ADAMTSL1: variants seen among roughly 807,000 people sequenced by gnomAD.
ADAMTSL1 encodes the protein ADAMTS like 1.
ADAMTSL1 carries 126 observed loss-of-function variants against 201.8 expected under a neutral mutation model. That is an observed-to-expected ratio of 0.62 (90% CI 0.54 to 0.72). The LOEUF (loss-of-function observed/expected upper bound fraction) is 0.72. Ranked by LOEUF, ADAMTSL1 falls within the 30% of genes least tolerant of loss-of-function variation. The pLI, the probability that ADAMTSL1 is intolerant of heterozygous loss-of-function variation, is 0.00. For synonymous variants in ADAMTSL1, 1,121 were observed against 903.4 expected, an observed-to-expected ratio of 1.24 and a Z score of -4.32; for missense variants, 2,679 against 2,277.8, an observed-to-expected ratio of 1.18 and a Z score of -3.59.
At chr9:18,290,876 G>C (rs962769797) in intron 2 of ADAMTSL1, among the ~76,000 whole-genome samples, 1 of 151,190 alleles carries the variant, frequency 6.6e-6, no homozygotes, top group Non-Finnish European at 1.5e-5. Context: ...CTGCCTCCCA[G>C]GTTCACGCCA....
intron 25 of ADAMTSL1, among the ~76,000 whole-genome samples, chr9:18,891,515 C>A (rs934481): frequency 1 from 152,349 of 152,352 alleles, 76,173 homozygotes; most frequent in Middle Eastern, 1. Flanking sequence ...CGAGGATTTC[C>A]GAGTGTTCCT....
chr9:18,261,011 T>C (rs1485040350), intron 2 of ADAMTSL1, among the ~76,000 whole-genome samples: 18 of 129,090 alleles, frequency 1.4e-4, no homozygotes, highest in South Asian at 8.8e-4. Context: ...TTTTCCTTTT[T>C]CTTTTTTTTT....
At chr9:18,324,633 G>A (rs149100705) in intron 2 of ADAMTSL1, among the ~76,000 whole-genome samples, 1,722 of 151,898 alleles carry the variant, frequency 0.011, 33 homozygotes, top group African/African-American at 0.04. Flanking sequence ...GCATGGTGGT[G>A]TATGACTGTA....
chr9:18,384,458 T>C (rs1474633072), intron 2 of ADAMTSL1, among the ~76,000 whole-genome samples: 1 of 152,152 alleles, frequency 6.6e-6, no homozygotes, highest in Non-Finnish European at 1.5e-5. Flanking sequence ...TACCTGATCA[T>C]GTTGATGATA....
chr9:18,546,172 A>C (rs547963687), intron 3 of ADAMTSL1, among the ~76,000 whole-genome samples: 94 of 152,098 alleles, frequency 6.2e-4, no homozygotes, highest in African/African-American at 2.1e-3. Context: ...GTTTGGCTAT[A>C]TTTTTCTTTA....
Position 18,777,501 on chromosome 9 carries a change from A to G in ADAMTSL1, c.3272A>G (p.Glu1091Gly). 1 of 1,596,246 alleles carries G rather than the reference A, an allele frequency of 6.3e-7. No individual in the cohort carries two copies. The highest frequency in any genetic ancestry group is 1.7e-5 in the Admixed American group (1 of 57,438). The change falls in exon 19 of 29, where the codon GAG (glutamate) becomes GGG (glycine). Residue 1091 changes from glutamate (E) to glycine (G), a missense_variant. Glu to Gly is a moderately conservative substitution (Grantham distance 98). Coordinates refer to ENST00000380548, the MANE Select transcript of ADAMTSL1 (RefSeq NM_001040272.6). ...ILGNLSQQPE[E>G]LRDLYSKHLV... ...GGGAACCTCTCCCAGCAGCCCGAGG[A>G]GCTGCGCGACCTCTACAGCAAGCAC... is the stretch of plus-strand genomic sequence containing the variant.
At chr9:18,602,213 A>G (rs985763879) in intron 4 of ADAMTSL1, among the ~76,000 whole-genome samples, 4 of 152,128 alleles carry the variant, frequency 2.6e-5, no homozygotes, top group Non-Finnish European at 5.9e-5. Flanking sequence ...TGGTGGATGT[A>G]TTTGTTAGGC....
chr9:17,910,099 C>G (rs1208773657), intron 1 of ADAMTSL1, among the ~76,000 whole-genome samples: 2 of 68,116 alleles, frequency 2.9e-5, no homozygotes, highest in African/African-American at 5.9e-5. Flanking sequence ...GGCGCTGTCC[C>G]TAAGCGCGGT....
At chr9:18,274,190 A>G (rs1421237161) in intron 2 of ADAMTSL1, among the ~76,000 whole-genome samples, 2 of 152,252 alleles carry the variant, frequency 1.3e-5, no homozygotes, top group East Asian at 3.8e-4. Context: ...TGTCATGGGA[A>G]GAAAGCTCGA....
At chr9:18,224,660 C>A (rs1201240115) in intron 2 of ADAMTSL1, among the ~76,000 whole-genome samples, 1 of 152,144 alleles carries the variant, frequency 6.6e-6, no homozygotes, top group East Asian at 1.9e-4. Flanking sequence ...TCCTATGGAT[C>A]CCCTAAAGTG....
intron 2 of ADAMTSL1, among the ~76,000 whole-genome samples, chr9:18,372,336 C>A (rs192829841): frequency 2.0e-5 from 3 of 152,194 alleles, no homozygotes; most frequent in Non-Finnish European, 4.4e-5. Context: ...GAAAGGTAAT[C>A]GCATGCCGTG....
chr9:18,652,743 A>C (rs13298947), intron 7 of ADAMTSL1, among the ~76,000 whole-genome samples: 2 of 152,156 alleles, frequency 1.3e-5, no homozygotes, highest in South Asian at 4.1e-4. Flanking sequence ...AATATTTTCA[A>C]CTTAAGATGG....
chr9:17,953,930 C>T (rs1043340513), intron 1 of ADAMTSL1, among the ~76,000 whole-genome samples: 2 of 152,126 alleles, frequency 1.3e-5, no homozygotes, highest in Admixed American at 6.6e-5. Context: ...AATGGCTGGT[C>T]CCCTTGAAGG....
chr9:18,585,041 A>G (rs975263612), intron 4 of ADAMTSL1, among the ~76,000 whole-genome samples: 2 of 152,222 alleles, frequency 1.3e-5, no homozygotes. Flanking sequence ...CTCAAAATTC[A>G]TCCAAGCTCT....
chr9:18,056,513 C>G (rs553546307), intron 1 of ADAMTSL1, among the ~76,000 whole-genome samples: 2 of 152,228 alleles, frequency 1.3e-5, no homozygotes, highest in South Asian at 4.2e-4. Flanking sequence ...TTGGCACTCC[C>G]TTGCTCATCT....
At chr9:18,232,837 T>G (rs983464705) in intron 2 of ADAMTSL1, among the ~76,000 whole-genome samples, 5 of 152,182 alleles carry the variant, frequency 3.3e-5, no homozygotes, top group Non-Finnish European at 7.4e-5. Flanking sequence ...CAAAAGGCAC[T>G]CTGGTTATGA....
chr9:17,945,516 CGT>C (rs1827424735), intron 1 of ADAMTSL1, among the ~76,000 whole-genome samples: 1 of 151,768 alleles, frequency 6.6e-6, no homozygotes, highest in African/African-American at 2.4e-5. Context: ...CACATGCACA[CGT>C]ATGTTTATTG....
chr9:18,486,159 A>G (rs928487618), intron 1 of ADAMTSL1, among the ~76,000 whole-genome samples: 1 of 152,202 alleles, frequency 6.6e-6, no homozygotes, highest in African/African-American at 2.4e-5. Flanking sequence ...GAAAGTGTGA[A>G]AGAGTTAGTA....
intron 7 of ADAMTSL1, among the ~76,000 whole-genome samples, chr9:18,655,921 T>C (rs1828628204): frequency 6.9e-6 from 1 of 145,410 alleles, no homozygotes; most frequent in African/African-American, 2.7e-5. Context: ...AAATGAGAAA[T>C]AGAAATCTAT....
Sources: gnomAD v4.1 joint callset for allele counts (sites outside exome capture counted in the v4.1 genomes callset) on GRCh38, gnomAD v4.1.1 for gene constraint, MANE v1.5 for transcripts, NCBI Gene and HGNC (gene_info 2026-07-23, HGNC 2026-07-21) for gene names.